Variants in SLX4IP observed in about 807,000 individuals in gnomAD.
SLX4IP encodes protein SLX4IP.
In SLX4IP, 34 loss-of-function variants were observed where a neutral mutation model predicts 32.9. That is an observed-to-expected ratio of 1.03 (90% CI 0.79 to 1.38). SLX4IP has a LOEUF of 1.38. Among genes scored for constraint, SLX4IP ranks in the 40% most tolerant of loss-of-function variants. The probability of loss-of-function intolerance (pLI) is 0.00; values close to 1 mark genes in which losing one functional copy is unlikely to be tolerated. For synonymous variants in SLX4IP, 172 were observed against 171.7 expected (o/e 1.00, Z -0.01); for missense variants, 444 against 479.0 (o/e 0.93, Z 0.68).
At chr20:10,473,288 AGTAG>A (rs371743600) in intron 2 of SLX4IP, among the ~76,000 whole-genome samples, 4 of 152,228 alleles carry the variant, frequency 2.6e-5, no homozygotes, top group African/African-American at 9.6e-5. Context: ...AACTAAGGGC[AGTAG>A]GAGAAAAGAA....
At chr20:10,522,535 C>T (rs150962238) in intron 2 of SLX4IP, among the ~76,000 whole-genome samples, 3 of 152,254 alleles carry the variant, frequency 2.0e-5, no homozygotes, top group African/African-American at 7.2e-5. Flanking sequence ...CACATGGCTC[C>T]CGGTCTCCTG....
intron 2 of SLX4IP, among the ~76,000 whole-genome samples, chr20:10,554,422 A>G (rs1307238943): frequency 6.6e-6 from 1 of 152,220 alleles, no homozygotes; most frequent in African/African-American, 2.4e-5. Context: ...TTGTGTGCAC[A>G]TATACTTCAT....
At chr20:10,586,706 A>G (rs2066649868) in intron 4 of SLX4IP, among the ~76,000 whole-genome samples, 2 of 152,202 alleles carry the variant, frequency 1.3e-5, no homozygotes, top group South Asian at 4.1e-4. Flanking sequence ...GATCAGGAAT[A>G]GAAGTATTAG....
chr20:10,500,130 C>CTTT (rs34751503), intron 2 of SLX4IP, among the ~76,000 whole-genome samples: 2,205 of 89,916 alleles, frequency 0.025, 57 homozygotes, highest in East Asian at 0.05. Flanking sequence ...TGTCAAAATT[C>CTTT]TTTTTTTTTT....
chr20:10,437,284 C>T (rs1326982321), intron 1 of SLX4IP, among the ~76,000 whole-genome samples: 1 of 152,082 alleles, frequency 6.6e-6, no homozygotes, highest in African/African-American at 2.4e-5. Context: ...GCGACTGCAC[C>T]CAGCTGCCTT....
At position 10,444,989 on chromosome 20, in the gene SLX4IP, G is replaced by A. The variant is rs185300550; in HGVS notation, c.-30+9536G>A. Among the ~76,000 whole-genome samples, 358 of 152,322 alleles carry A rather than the reference G, an allele frequency of 2.4e-3. 1 individual carries two copies. Among genetic ancestry groups the A allele is most frequent in the Middle Eastern group, 0.02 (6 of 294 alleles). ...TCTGTTCCATCCCAGATAACAGGCTGTGTGCATGTAGTAAGGGAAGAGAAC... is the reference window on the plus strand; with the variant it reads ...TCTGTTCCATCCCAGATAACAGGCTATGTGCATGTAGTAAGGGAAGAGAAC... On this transcript the variant is annotated intron_variant, in intron 1 of 7. Coordinates refer to ENST00000334534, the MANE Select transcript of SLX4IP (RefSeq NM_001009608.3).
At chr20:10,587,625 C>T (rs923154055) in intron 4 of SLX4IP, among the ~76,000 whole-genome samples, 1 of 151,958 alleles carries the variant, frequency 6.6e-6, no homozygotes, top group Admixed American at 6.6e-5. Flanking sequence ...GCAAGCAAAA[C>T]AGAATAGCAC....
rs531711862 is a variant in SLX4IP, at chr20:10,623,692, A to G, written c.*313A>G. 1.1e-4 allele frequency: 37 copies of G among 351,798 alleles called. No homozygotes were observed. The highest frequency in any genetic ancestry group is 4.0e-4 in the South Asian group (10 of 25,198). 21.8% of individuals were successfully genotyped at this position (351,798 alleles called of 1,614,324 possible). A position where few individuals can be genotyped will look rare whatever the true frequency, so the allele number is the denominator to read the frequency against. On this transcript the variant is annotated 3_prime_UTR_variant, in exon 8 of 8. Coordinates refer to ENST00000334534, the MANE Select transcript of SLX4IP (RefSeq NM_001009608.3). The stretch of plus-strand genomic sequence containing the variant: ...CAAGGACTGCATGAAGAAACTGATC[A>G]TGAGCCCCTTCTTGGCACATCACTG...
chr20:10,454,407 A>T (rs2065268226), intron 1 of SLX4IP, among the ~76,000 whole-genome samples: 2 of 115,168 alleles, frequency 1.7e-5, no homozygotes, highest in African/African-American at 2.7e-5. Context: ...ATGCAGGCAG[A>T]GGAAGGTCTC....
chr20:10,551,244 A>G (rs2066215336), intron 2 of SLX4IP, among the ~76,000 whole-genome samples: 1 of 152,236 alleles, frequency 6.6e-6, no homozygotes, highest in African/African-American at 2.4e-5. Context: ...TTTCCAGTGA[A>G]GTAATCCTAA....
chr20:10,510,006 T>C (rs1057259202), intron 2 of SLX4IP, among the ~76,000 whole-genome samples: 4 of 152,174 alleles, frequency 2.6e-5, no homozygotes, highest in African/African-American at 9.7e-5. Context: ...AGCAATATAA[T>C]AGAATATTAT....
intron 4 of SLX4IP, among the ~76,000 whole-genome samples, chr20:10,575,783 C>G (rs1397522219): frequency 1.3e-5 from 2 of 151,862 alleles, no homozygotes; most frequent in Non-Finnish European, 2.9e-5. Flanking sequence ...GCCAGGACCT[C>G]CCATCATAAT....
At chr20:10,553,214 T>C (rs2066235102) in intron 2 of SLX4IP, among the ~76,000 whole-genome samples, 1 of 152,252 alleles carries the variant, frequency 6.6e-6, no homozygotes, top group South Asian at 2.1e-4. Flanking sequence ...GCTCTTTTCA[T>C]ATTACATTAA....
chr20:10,606,862 G>A (rs1321604608), intron 6 of SLX4IP, among the ~76,000 whole-genome samples: 1 of 151,872 alleles, frequency 6.6e-6, no homozygotes, highest in African/African-American at 2.4e-5. Context: ...TTTTGTATTT[G>A]ACAAACTCTG....
rs1395404404 is a variant in SLX4IP, at chr20:10,626,050, T to G, written c.*2671T>G. ...TTTTTTTTGAGACAGAGTCTCGCTCTGTCGCCCAGGCTGGAGTGCAGTGGG... is the reference window on the plus strand; with the variant it reads ...TTTTTTTTGAGACAGAGTCTCGCTCGGTCGCCCAGGCTGGAGTGCAGTGGG... On this transcript the variant is annotated 3_prime_UTR_variant, in exon 8 of 8. Transcript: ENST00000334534. 1 of 143,688 alleles carries G rather than the reference T, an allele frequency of 7.0e-6. No homozygotes were observed. Among genetic ancestry groups the G allele is most frequent in the Non-Finnish European group, 1.5e-5 (1 of 66,008 alleles). 8.9% of individuals were successfully genotyped at this position (143,688 alleles called of 1,614,324 possible).
intron 4 of SLX4IP, among the ~76,000 whole-genome samples, chr20:10,577,894 C>T (rs1387133910): frequency 6.6e-6 from 1 of 152,154 alleles, no homozygotes; most frequent in African/African-American, 2.4e-5. Context: ...TCCATTGTAG[C>T]CTCTTGTTGT....
intron 2 of SLX4IP, among the ~76,000 whole-genome samples, chr20:10,513,226 A>C (rs906651826): frequency 7.2e-5 from 11 of 152,112 alleles, no homozygotes; most frequent in Non-Finnish European, 1.6e-4. Flanking sequence ...AACAGCTGCT[A>C]ACCCCAGGAG....
intron 2 of SLX4IP, among the ~76,000 whole-genome samples, chr20:10,531,658 G>A (rs762580413): frequency 7.9e-5 from 12 of 152,164 alleles, no homozygotes; most frequent in Admixed American, 5.9e-4. Context: ...TTCAGATACC[G>A]AGACGTGTGA....
chr20:10,458,232 G>T lies in SLX4IP; in HGVS notation c.27+1G>T. 1 of 1,586,836 alleles carries T rather than the reference G, an allele frequency of 6.3e-7. No homozygotes were observed. The highest frequency in any genetic ancestry group is 1.2e-5 in the South Asian group (1 of 85,458). ...GGCATCTAAGAAATTTGCTGTTAAA[G>T]TAAGTAATGTTTAATAGCTTTTTAA... is the stretch of plus-strand genomic sequence containing the variant. On this transcript the variant is annotated splice_donor_variant, in intron 2 of 7. Coordinates refer to ENST00000334534, the MANE Select transcript of SLX4IP (RefSeq NM_001009608.3). LOFTEE classifies it high-confidence loss of function.
Sources: allele counts gnomAD v4.1 joint callset (sites outside exome capture counted in the v4.1 genomes callset), GRCh38; gene constraint gnomAD v4.1.1; transcripts MANE v1.5; gene names NCBI Gene and HGNC (gene_info 2026-07-23, HGNC 2026-07-21).